The following NRP1 variants were observed in gnomAD, a reference collection of about 807,000 sequenced individuals.
The protein encoded by NRP1 is neuropilin-1.
In NRP1, 35 loss-of-function variants were observed where a neutral mutation model predicts 106.7. The ratio of observed to expected loss-of-function variants is 0.33; its 90% CI spans 0.25 to 0.43. NRP1 has a LOEUF of 0.43. NRP1 is among the 20% of genes least tolerant of loss of function. The pLI, the probability that NRP1 is intolerant of heterozygous loss-of-function variation, is 1.00. For synonymous variants in NRP1, 437 were observed against 417.9 expected (o/e 1.05, Z -0.56); for missense variants, 1,024 against 1,170.4 (o/e 0.87, Z 1.83).
chr10:33,305,719 C>T (rs1001315504), intron 2 of NRP1, among the ~76,000 whole-genome samples: 6 of 150,072 alleles, frequency 4.0e-5, no homozygotes, highest in South Asian at 4.2e-4. Context: ...TCTATGATAA[C>T]GGGAACACAA....
intron 1 of NRP1, among the ~76,000 whole-genome samples, chr10:33,332,980 C>T (rs1848391143): frequency 1.3e-5 from 2 of 151,406 alleles, no homozygotes; most frequent in South Asian, 4.3e-4. Context: ...TGTGAACACC[C>T]CCACTATGGA....
chr10:33,188,936 T>TATAA (rs543920885), intron 13 of NRP1, among the ~76,000 whole-genome samples: 3 of 143,352 alleles, frequency 2.1e-5, no homozygotes, highest in African/African-American at 8.0e-5. Flanking sequence ...TATATATATA[T>TATAA]AAATTAAAAC....
intron 2 of NRP1, among the ~76,000 whole-genome samples, chr10:33,308,953 A>C (rs1431530713): frequency 1.3e-5 from 2 of 152,174 alleles, no homozygotes; most frequent in Non-Finnish European, 2.9e-5. Context: ...GTCCCAAATA[A>C]AGTTCTTCTT....
intron 13 of NRP1, among the ~76,000 whole-genome samples, chr10:33,188,237 A>G (rs1413770908): frequency 6.6e-6 from 1 of 152,190 alleles, no homozygotes; most frequent in Non-Finnish European, 1.5e-5. Flanking sequence ...GCCATGTCTT[A>G]ATCCCACTTA....
At chr10:33,332,448 C>T (rs1289166707) in intron 1 of NRP1, among the ~76,000 whole-genome samples, 1 of 152,204 alleles carries the variant, frequency 6.6e-6, no homozygotes, top group East Asian at 1.9e-4. Context: ...TAGTGTCTGG[C>T]ATCTGTTACA....
intron 2 of NRP1, among the ~76,000 whole-genome samples, chr10:33,309,319 C>A (rs1406996000): frequency 6.6e-6 from 1 of 152,186 alleles, no homozygotes; most frequent in African/African-American, 2.4e-5. Flanking sequence ...CAAGTTAATT[C>A]CACCCTTCCT....
At chr10:33,281,222 G>A (rs1363941434) in intron 2 of NRP1, among the ~76,000 whole-genome samples, 1 of 151,912 alleles carries the variant, frequency 6.6e-6, no homozygotes, top group East Asian at 2.0e-4. Flanking sequence ...GCTAATTTTT[G>A]TACTTTTAGT....
At chr10:33,199,874 C>T (rs1398906128) in intron 11 of NRP1, among the ~76,000 whole-genome samples, 1 of 152,122 alleles carries the variant, frequency 6.6e-6, no homozygotes, top group Non-Finnish European at 1.5e-5. Context: ...TCCCACAGAT[C>T]AGAAATCATG....
rs553122947 is a variant in NRP1 at position 33,254,248 on chromosome 10, A to C, written c.815-54T>G. The C allele has an allele frequency of 4.9e-5, 73 of 1,498,400 alleles. No homozygotes were observed. In the African/African-American group the frequency reaches 9.4e-4, roughly 19 times the overall value. 92.8% of individuals were successfully genotyped at this position (1,498,400 alleles called of 1,614,324 possible). ...TCAAAATATAGGGGATTTAAGATGC[A>C]TTTTTCTTTTTTAACTTGATACACC... On this transcript the variant is annotated intron_variant, in intron 5 of 16. Coordinates refer to ENST00000374867, the MANE Select transcript of NRP1 (RefSeq NM_003873.7).
intron 2 of NRP1, among the ~76,000 whole-genome samples, chr10:33,327,036 C>T (rs1847940282): frequency 1.3e-5 from 2 of 152,024 alleles, no homozygotes; most frequent in Admixed American, 6.6e-5. Flanking sequence ...CAAAAGAAAA[C>T]TGTTTACTTG....
At chr10:33,332,936 T>G (rs1848388516) in intron 1 of NRP1, among the ~76,000 whole-genome samples, 1 of 152,152 alleles carries the variant, frequency 6.6e-6, no homozygotes, top group Non-Finnish European at 1.5e-5. Flanking sequence ...ACCTAAAGTC[T>G]GATAGCTCTT....
At chr10:33,267,161 C>G (rs1047536751) in intron 3 of NRP1, among the ~76,000 whole-genome samples, 7 of 152,204 alleles carry the variant, frequency 4.6e-5, no homozygotes, top group African/African-American at 1.7e-4. Flanking sequence ...TGAGGCCTAC[C>G]CAGAAGCTGA....
chr10:33,216,131 T>C (rs575243869), intron 8 of NRP1, among the ~76,000 whole-genome samples: 35 of 142,050 alleles, frequency 2.5e-4, no homozygotes, highest in African/African-American at 8.6e-4. Context: ...TTCCCTTCTT[T>C]CTTTCTTTCT....
chr10:33,188,936 T>TATATATATATATATATATATATATATAA (rs543920885), intron 13 of NRP1, among the ~76,000 whole-genome samples: 4 of 143,350 alleles, frequency 2.8e-5, no homozygotes, highest in African/African-American at 1.1e-4. Context: ...TATATATATA[T>TATATATATATATATATATATATATATAA]AAATTAAAAC....
At chr10:33,198,142 AAAT>A (rs1564371494) in intron 11 of NRP1, among the ~76,000 whole-genome samples, 2 of 57,646 alleles carry the variant, frequency 3.5e-5, no homozygotes, top group East Asian at 1.8e-3. Flanking sequence ...TTAAATTTTT[AAAT>A]TTTTTTTTTT....
At chr10:33,287,730 T>C (rs895655280) in intron 2 of NRP1, among the ~76,000 whole-genome samples, 2 of 152,120 alleles carry the variant, frequency 1.3e-5, no homozygotes, top group Admixed American at 6.6e-5. Flanking sequence ...CATAGAGGTG[T>C]CTGGAGTGGA....
intron 2 of NRP1, among the ~76,000 whole-genome samples, chr10:33,318,365 C>T (rs569727425): frequency 2.0e-5 from 3 of 152,276 alleles, no homozygotes; most frequent in Admixed American, 6.5e-5. Context: ...GCAATTATAA[C>T]GCACATCCCT....
At chr10:33,297,627 C>T (rs1845501036) in intron 2 of NRP1, among the ~76,000 whole-genome samples, 1 of 145,658 alleles carries the variant, frequency 6.9e-6, no homozygotes. Context: ...GCAGAGGTTG[C>T]AGTGAGCTGA....
intron 2 of NRP1, among the ~76,000 whole-genome samples, chr10:33,303,415 A>G (rs1371358964): frequency 3.3e-5 from 5 of 152,180 alleles, no homozygotes; most frequent in African/African-American, 1.2e-4. Context: ...GATAAACTTC[A>G]TCTTTTGAAA....
Sources: allele counts gnomAD v4.1 joint callset (sites outside exome capture counted in the v4.1 genomes callset), GRCh38; gene constraint gnomAD v4.1.1; transcripts MANE v1.5; gene names NCBI Gene and HGNC (gene_info 2026-07-23, HGNC 2026-07-21).